Variants in PIK3C3 observed in about 807,000 individuals in gnomAD.
PIK3C3 encodes phosphatidylinositol 3-kinase catalytic subunit type 3, also known as PI3-kinase type 3.
Under a neutral mutation model 126.1 loss-of-function variants are expected in PIK3C3, and 95 were observed. That is an observed-to-expected ratio of 0.75 (90% confidence interval 0.64 to 0.89). PIK3C3 has a LOEUF of 0.89. PIK3C3 is among the 40% of genes least tolerant of loss of function. The pLI, the probability that PIK3C3 is intolerant of heterozygous loss-of-function variation, is 0.00. For missense variants in PIK3C3, 829 were observed against 1,063.2 expected (o/e 0.78, Z 3.06); for synonymous variants, 374 against 360.0 (o/e 1.04, Z -0.44).
chr18:42,080,907 C>G (rs1037653986), intron 24 of PIK3C3, among the ~76,000 whole-genome samples: 1 of 152,160 alleles, frequency 6.6e-6, no homozygotes, highest in African/African-American at 2.4e-5. Flanking sequence ...CAGACACCCT[C>G]TCCTTGAATT....
In PIK3C3 at chr18:42,082,954, C is replaced by T. The variant is rs1986301862; in HGVS notation, c.*1817C>T. On this transcript the variant is annotated 3_prime_UTR_variant, in exon 25 of 25. Transcript: ENST00000262039. ...ATTCTAGAAGGGCAGACACTGACAACTAGTAAGGAAGTTGATCATGAGTAA... is the reference window on the plus strand; with the variant it reads ...ATTCTAGAAGGGCAGACACTGACAATTAGTAAGGAAGTTGATCATGAGTAA... 6.6e-6 allele frequency: 1 copy of T among 152,140 alleles called. No homozygotes were observed. Among genetic ancestry groups the T allele is most frequent in the South Asian group, 2.1e-4 (1 of 4,828 alleles). The allele number at this position is 152,140 out of a possible 1,614,324, so 9.4% of individuals were successfully genotyped here.
At chr18:42,041,190 A>AT (rs956774360) in intron 19 of PIK3C3, among the ~76,000 whole-genome samples, 16 of 152,120 alleles carry the variant, frequency 1.1e-4, no homozygotes, top group African/African-American at 3.9e-4. Flanking sequence ...TCAAAAAAAA[A>AT]CAAAAAAAAC....
intron 17 of PIK3C3, among the ~76,000 whole-genome samples, chr18:42,038,089 T>C (rs181092680): frequency 1.3e-5 from 2 of 152,264 alleles, no homozygotes; most frequent in African/African-American, 4.8e-5. Flanking sequence ...GTAGTTTCCT[T>C]CCTCTTAGTC....
chr18:42,022,778 A>T (rs1864726092), intron 13 of PIK3C3, among the ~76,000 whole-genome samples: 1 of 152,186 alleles, frequency 6.6e-6, no homozygotes, highest in African/African-American at 2.4e-5. Context: ...TTGAAAATAT[A>T]GGAGGTTTTG....
At chr18:41,989,050 AG>A (rs1231308023) in intron 5 of PIK3C3, among the ~76,000 whole-genome samples, 2 of 152,126 alleles carry the variant, frequency 1.3e-5, no homozygotes, top group Non-Finnish European at 2.9e-5. Context: ...GAAGAATTTA[AG>A]TAACCTCTTC....
chr18:42,087,039 CCT>C lies in PIK3C3; in HGVS notation c.*5903_*5904del, dbSNP rs1470047917. On this transcript the variant is annotated 3_prime_UTR_variant, in exon 25 of 25. Coordinates refer to ENST00000262039, the MANE Select transcript of PIK3C3 (RefSeq NM_002647.4). ...TAGGTGCTAAGTACACTTTTTCCCC[CCT>C]TTCCTCTATTTTTAAAAGAACTTTC... The C allele has an allele frequency of 6.6e-6, 1 of 152,168 alleles. No individual in the cohort carries two copies. The highest frequency in any genetic ancestry group is 1.5e-5 in the Non-Finnish European group (1 of 68,058). 9.4% of individuals were successfully genotyped at this position (152,168 alleles called of 1,614,324 possible). A position where few individuals can be genotyped will look rare whatever the true frequency, so the allele number is the denominator to read the frequency against.
At chr18:42,080,522 G>A (rs1026170767) in intron 24 of PIK3C3, among the ~76,000 whole-genome samples, 1 of 152,126 alleles carries the variant, frequency 6.6e-6, no homozygotes, top group African/African-American at 2.4e-5. Flanking sequence ...AACAAAAAGG[G>A]CACGAGTTAT....
At chr18:42,065,087 T>C (rs907058889) in intron 23 of PIK3C3, among the ~76,000 whole-genome samples, 2 of 152,148 alleles carry the variant, frequency 1.3e-5, no homozygotes, top group Admixed American at 1.3e-4. Flanking sequence ...ATAGGGAGGA[T>C]TTATTTTAAA....
At chr18:42,068,520 G>C (rs541011748) in intron 24 of PIK3C3, among the ~76,000 whole-genome samples, 1 of 152,252 alleles carries the variant, frequency 6.6e-6, no homozygotes, top group East Asian at 1.9e-4. Context: ...AATGCTCTTT[G>C]ATTGATCTTT....
At chr18:41,974,979 G>T (rs1432556245) in intron 4 of PIK3C3, among the ~76,000 whole-genome samples, 1 of 152,138 alleles carries the variant, frequency 6.6e-6, no homozygotes, top group African/African-American at 2.4e-5. Context: ...CTGTCAGTTT[G>T]ATTAAGAGGA....
intron 24 of PIK3C3, among the ~76,000 whole-genome samples, chr18:42,073,762 A>G (rs952642685): frequency 1.2e-4 from 18 of 147,774 alleles, no homozygotes; most frequent in Non-Finnish European, 2.5e-4. Flanking sequence ...TTTCCTTTCT[A>G]TGTTGACTTT....
chr18:42,040,873 T>G (rs1051277270), intron 19 of PIK3C3, 132 bp downstream of exon 19: 3 of 635,932 alleles, frequency 4.7e-6, no homozygotes, highest in Non-Finnish European at 8.2e-6. Context: ...TTTTCTTCCT[T>G]TATTCAGAAG....
intron 2 of PIK3C3, among the ~76,000 whole-genome samples, chr18:41,960,694 A>G (rs1235156490): frequency 1.3e-5 from 2 of 152,042 alleles, no homozygotes; most frequent in East Asian, 3.9e-4. Flanking sequence ...TATAACTTCT[A>G]GAATATCTAG....
intron 10 of PIK3C3, among the ~76,000 whole-genome samples, chr18:42,011,645 T>C (rs1400260347): frequency 1.3e-5 from 2 of 152,218 alleles, no homozygotes; most frequent in Non-Finnish European, 2.9e-5. Context: ...AATGGCATTT[T>C]TAATATCCTT....
At chr18:41,961,497 T>A (rs1980083042) in intron 2 of PIK3C3, among the ~76,000 whole-genome samples, 1 of 152,084 alleles carries the variant, frequency 6.6e-6, no homozygotes, top group Non-Finnish European at 1.5e-5. Flanking sequence ...TTGATAGCCA[T>A]CTCTAATTTA....
rs2144547871 is a variant in PIK3C3 at position 42,083,557 on chromosome 18, T to C, written c.*2420T>C. On this transcript the variant is annotated 3_prime_UTR_variant, in exon 25 of 25. Transcript: ENST00000262039. ...TGGAGTTAGCAAAAATCATTCTCCA[T>C]ATGATAGTTTTAGATGTTCCCCAGC... 6.6e-6 allele frequency: 1 copy of C among 152,292 alleles called. No homozygotes were observed. The allele number at this position is 152,292 out of a possible 1,614,324, so 9.4% of individuals were successfully genotyped here.
intron 6 of PIK3C3, 122 bp from the exon 7 acceptor site, chr18:41,993,148 T>C: frequency 1.8e-6 from 1 of 546,942 alleles, no homozygotes; most frequent in Non-Finnish European, 3.2e-6. Context: ...AAGATAAGGA[T>C]TTCTTTAAAG....
At chr18:41,959,902 A>C (rs1722852258) in intron 2 of PIK3C3, among the ~76,000 whole-genome samples, 1 of 152,208 alleles carries the variant, frequency 6.6e-6, no homozygotes, top group South Asian at 2.1e-4. Context: ...ATCAAAACAA[A>C]AATTGCCATC....
intron 15 of PIK3C3, among the ~76,000 whole-genome samples, chr18:42,033,307 A>G (rs917549201): frequency 1.3e-5 from 2 of 152,228 alleles, no homozygotes; most frequent in African/African-American, 4.8e-5. Context: ...ATGATATCCT[A>G]GGAAAAGTTT....
Sources: gnomAD v4.1 joint callset for allele counts (sites outside exome capture counted in the v4.1 genomes callset) on GRCh38, gnomAD v4.1.1 for gene constraint, MANE v1.5 for transcripts, NCBI Gene and HGNC (gene_info 2026-07-23, HGNC 2026-07-21) for gene names.